ARFIP1: variants seen among roughly 807,000 people sequenced by gnomAD.
ARFIP1 encodes the protein arfaptin-1.
Under a neutral mutation model 42.5 loss-of-function variants are expected in ARFIP1, and 24 were observed. The ratio of observed to expected loss-of-function variants is 0.57; its 90% CI spans 0.41 to 0.80. The LOEUF (loss-of-function observed/expected upper bound fraction) is 0.80. ARFIP1 is among the 30% of genes least tolerant of loss of function. ARFIP1 has a pLI of 0.00. For missense variants in ARFIP1, 354 were observed against 434.0 expected (o/e 0.82, Z 1.64); for synonymous variants, 141 against 153.7 (o/e 0.92, Z 0.61).
chr4:152,877,355 G>T, intron 5 of ARFIP1, among the ~76,000 whole-genome samples: 1 of 152,144 alleles, frequency 6.6e-6, no homozygotes, highest in East Asian at 1.9e-4. Flanking sequence ...TTTAAAATTT[G>T]ACTGCCCTGA....
intron 1 of ARFIP1, chr4:152,796,547 T>A: frequency 2.6e-6 from 2 of 779,926 alleles, no homozygotes; most frequent in Non-Finnish European, 2.3e-6. Context: ...GTACTTTAGC[T>A]CGAGATTGTC....
At chr4:152,903,810 A>G (rs1336918429) in intron 8 of ARFIP1, among the ~76,000 whole-genome samples, 2 of 152,020 alleles carry the variant, frequency 1.3e-5, no homozygotes, top group Non-Finnish European at 2.9e-5. Flanking sequence ...CTCAGCTACA[A>G]AAGGAGCTGT....
At chr4:152,899,330 A>G (rs1451336068) in intron 8 of ARFIP1, among the ~76,000 whole-genome samples, 2 of 152,260 alleles carry the variant, frequency 1.3e-5, no homozygotes, top group South Asian at 2.1e-4. Flanking sequence ...ATGACCTTGC[A>G]TGCTATTCCT....
chr4:152,847,465 C>A (rs1217843763), intron 2 of ARFIP1, among the ~76,000 whole-genome samples: 1 of 151,748 alleles, frequency 6.6e-6, no homozygotes, highest in Non-Finnish European at 1.5e-5. Flanking sequence ...CAGCAACAGC[C>A]AGATGTGGAG....
At chr4:152,894,985 T>C (rs1456274702) in intron 8 of ARFIP1, among the ~76,000 whole-genome samples, 1 of 152,096 alleles carries the variant, frequency 6.6e-6, no homozygotes, top group Non-Finnish European at 1.5e-5. Context: ...GGGTGTGGTA[T>C]GGTGAAAGAA....
At chr4:152,836,138 A>G (rs955029109) in intron 2 of ARFIP1, among the ~76,000 whole-genome samples, 2 of 152,188 alleles carry the variant, frequency 1.3e-5, no homozygotes, top group Non-Finnish European at 2.9e-5. Flanking sequence ...GAGGTGCGGG[A>G]GGAAGATTTT....
chr4:152,797,041 C>T (rs1354102569), intron 1 of ARFIP1, among the ~76,000 whole-genome samples: 2 of 152,122 alleles, frequency 1.3e-5, no homozygotes, highest in African/African-American at 2.4e-5. Context: ...TCTGGATTCT[C>T]CTTTCCCTAT....
intron 2 of ARFIP1, among the ~76,000 whole-genome samples, chr4:152,837,533 G>T (rs180826204): frequency 6.6e-6 from 1 of 152,310 alleles, no homozygotes; most frequent in Non-Finnish European, 1.5e-5. Context: ...ATTTAGTGAT[G>T]TTGAGCATTT....
chr4:152,845,773 G>C (rs1378400825), intron 2 of ARFIP1, among the ~76,000 whole-genome samples: 3 of 152,218 alleles, frequency 2.0e-5, no homozygotes, highest in African/African-American at 2.4e-5. Flanking sequence ...TTCAACCACT[G>C]TGGAAAGCAG....
chr4:152,803,192 CA>C (rs1275909219), intron 1 of ARFIP1, among the ~76,000 whole-genome samples: 1 of 152,074 alleles, frequency 6.6e-6, no homozygotes, highest in East Asian at 1.9e-4. Flanking sequence ...GCCACGTTAT[CA>C]CGATTGTAGT....
intron 1 of ARFIP1, chr4:152,796,249 A>G (rs1210586968): frequency 2.0e-6 from 2 of 1,024,684 alleles, no homozygotes; most frequent in East Asian, 2.4e-5. Flanking sequence ...TCTTCTTTAC[A>G]CCAAGTATTG....
intron 3 of ARFIP1, among the ~76,000 whole-genome samples, chr4:152,867,431 G>A (rs1208000951): frequency 6.6e-6 from 1 of 152,102 alleles, no homozygotes; most frequent in South Asian, 2.1e-4. Context: ...GTTGCAGTGA[G>A]CCGAGATGGC....
At position 152,808,128 on chromosome 4, in the gene ARFIP1, G is replaced by A. The variant is rs183911323; in HGVS notation, c.-9-21497G>A. Among the ~76,000 whole-genome samples, 13 of 151,960 alleles carry A rather than the reference G, an allele frequency of 8.6e-5. No homozygotes were observed. The East Asian group carries it at 2.5e-3, about 29-fold the overall frequency. On this transcript the variant is annotated intron_variant, in intron 1 of 8. Transcript: ENST00000353617. ...CCCAAGTAAATGGGATTACAGGCAT[G>A]CGCCACCACGCCTGGCTATTTTTGT...
intron 1 of ARFIP1, among the ~76,000 whole-genome samples, chr4:152,783,920 AAAT>A (rs1241272938): frequency 6.6e-6 from 1 of 152,160 alleles, no homozygotes; most frequent in African/African-American, 2.4e-5. Flanking sequence ...ATGAAGATTC[AAAT>A]AATAAGCAGA....
intron 8 of ARFIP1, among the ~76,000 whole-genome samples, chr4:152,888,616 T>C (rs1736467222): frequency 6.6e-6 from 1 of 152,120 alleles, no homozygotes; most frequent in Non-Finnish European, 1.5e-5. Context: ...TAGATTATGC[T>C]CTGAATATTT....
At chr4:152,831,691 A>T (rs145188974) in intron 2 of ARFIP1, among the ~76,000 whole-genome samples, 180 of 152,118 alleles carry the variant, frequency 1.2e-3, no homozygotes, top group African/African-American at 3.7e-3. Context: ...TACAGTGTGT[A>T]CTCTTTTTCA....
At chr4:152,790,200 G>A (rs1731066302) in intron 1 of ARFIP1, among the ~76,000 whole-genome samples, 1 of 151,798 alleles carries the variant, frequency 6.6e-6, no homozygotes, top group African/African-American at 2.4e-5. Flanking sequence ...ATATTGAAGG[G>A]GTTTATTTTA....
intron 1 of ARFIP1, among the ~76,000 whole-genome samples, chr4:152,815,673 C>T (rs1389331584): frequency 2.0e-5 from 3 of 151,898 alleles, no homozygotes; most frequent in Non-Finnish European, 4.4e-5. Context: ...TTCCTTATCT[C>T]ACATCTGTCT....
In ARFIP1 at chr4:152,870,754, T is replaced by G. The variant is rs1389238720; in HGVS notation, c.204T>G (p.Gly68=). The G allele has an allele frequency of 3.7e-6, 6 of 1,613,164 alleles. No homozygotes were observed. Among genetic ancestry groups the G allele is most frequent in the Non-Finnish European group, 5.1e-6 (6 of 1,179,170 alleles). The part of the protein sequence containing the change: ...EGVIEAGAFQ[G]SPAPPLPSVM... ...CAGTTAAAATGTCTACCTTTTCAGG[T>G]TCCCCAGCACCGCCACTGCCATCTG... The change falls in exon 4 of 9, where the codon GGT becomes GGG. Residue 68 remains glycine (G), a splice_region_variant and synonymous_variant. Coordinates refer to ENST00000353617, the MANE Select transcript of ARFIP1 (RefSeq NM_001025595.3).
Sources: gnomAD v4.1 joint callset for allele counts (sites outside exome capture counted in the v4.1 genomes callset) on GRCh38, gnomAD v4.1.1 for gene constraint, MANE v1.5 for transcripts, NCBI Gene and HGNC (gene_info 2026-07-23, HGNC 2026-07-21) for gene names.